PIP4K2A: variants seen among roughly 807,000 people sequenced by gnomAD.
PIP4K2A encodes the protein phosphatidylinositol-5-phosphate 4-kinase type 2 alpha.
A neutral mutation model predicts 42.9 loss-of-function variants in PIP4K2A; 14 were observed. That is an observed-to-expected ratio of 0.33 (90% CI 0.22 to 0.51). The LOEUF is 0.51. Ranked by LOEUF, PIP4K2A falls within the 20% of genes least tolerant of loss-of-function variation. The pLI, the probability that PIP4K2A is intolerant of heterozygous loss-of-function variation, is 0.97. For missense variants in PIP4K2A, 434 were observed against 519.8 expected, an observed-to-expected ratio of 0.83 and a Z score of 1.61; for synonymous variants, 192 against 192.2, an observed-to-expected ratio of 1.00 and a Z score of 0.01.
intron 1 of PIP4K2A, among the ~76,000 whole-genome samples, chr10:22,615,367 G>A (rs1365230271): frequency 6.6e-6 from 1 of 152,146 alleles, no homozygotes; most frequent in Non-Finnish European, 1.5e-5. Context: ...GGAATCACAG[G>A]CATGAACCAT....
intron 1 of PIP4K2A, among the ~76,000 whole-genome samples, chr10:22,662,555 TTAATA>T (rs762338461): frequency 1.8e-4 from 28 of 152,226 alleles, no homozygotes; most frequent in Non-Finnish European, 3.1e-4. Context: ...GCTTTGCCCT[TTAATA>T]TACAGGGTAC....
intron 4 of PIP4K2A, among the ~76,000 whole-genome samples, chr10:22,591,037 G>A (rs1326929584): frequency 1.3e-5 from 2 of 152,190 alleles, no homozygotes; most frequent in African/African-American, 4.8e-5. Flanking sequence ...AGAAGCTTGT[G>A]CTGGAATTTA....
At chr10:22,573,110 G>A (rs754116857) in intron 5 of PIP4K2A, among the ~76,000 whole-genome samples, 2 of 152,208 alleles carry the variant, frequency 1.3e-5, no homozygotes, top group Non-Finnish European at 2.9e-5. Flanking sequence ...TTAAGTAGAT[G>A]TGATATCTCT....
At chr10:22,594,813 T>A (rs1837596556) in intron 3 of PIP4K2A, among the ~76,000 whole-genome samples, 1 of 152,220 alleles carries the variant, frequency 6.6e-6, no homozygotes, top group African/African-American at 2.4e-5. Flanking sequence ...TTCAAAGGCA[T>A]TACTATAATC....
intron 1 of PIP4K2A, among the ~76,000 whole-genome samples, chr10:22,611,480 C>T (rs1012062734): frequency 1.3e-5 from 2 of 149,918 alleles, no homozygotes; most frequent in Admixed American, 6.6e-5. Context: ...TCAAAGCATA[C>T]CTAGATACGC....
intron 1 of PIP4K2A, among the ~76,000 whole-genome samples, chr10:22,660,755 CA>C (rs1839190914): frequency 6.6e-6 from 1 of 151,616 alleles, no homozygotes; most frequent in Non-Finnish European, 1.5e-5. Context: ...AACTCTATGA[CA>C]TCAATAAATA....
At chr10:22,671,106 A>G (rs931866343) in intron 1 of PIP4K2A, among the ~76,000 whole-genome samples, 1 of 152,204 alleles carries the variant, frequency 6.6e-6, no homozygotes, top group African/African-American at 2.4e-5. Flanking sequence ...GAAAGCGAAC[A>G]TATATTATAT....
chr10:22,668,268 A>G (rs1256835177), intron 1 of PIP4K2A, among the ~76,000 whole-genome samples: 1 of 152,106 alleles, frequency 6.6e-6, no homozygotes, highest in Admixed American at 6.5e-5. Context: ...TATTTTTTAA[A>G]CTGGTCTTTA....
chr10:22,535,035 A>AGGAGATAAC lies in PIP4K2A; in HGVS notation c.*2157_*2165dup, dbSNP rs1488885569. On this transcript the variant is annotated 3_prime_UTR_variant, in exon 10 of 10. Transcript: ENST00000376573. ...ATGACTGGAGTGTATTGTTAGCACT[A>AGGAGATAAC]GGAGATAACAGGGCAAACGTCCTCA... 2.6e-5 allele frequency: 4 copies of AGGAGATAAC among 152,250 alleles called. No homozygotes were observed. The highest frequency in any genetic ancestry group is 4.8e-5 in the African/African-American group (2 of 41,464). 9.4% of individuals were successfully genotyped at this position (152,250 alleles called of 1,614,324 possible).
chr10:22,582,972 T>G (rs562026116), intron 4 of PIP4K2A, among the ~76,000 whole-genome samples: 1 of 152,024 alleles, frequency 6.6e-6, no homozygotes, highest in South Asian at 2.1e-4. Context: ...GAAACTTTAC[T>G]GCTTTTCTTA....
chr10:22,680,645 C>T (rs1839641357), intron 1 of PIP4K2A, among the ~76,000 whole-genome samples: 1 of 152,218 alleles, frequency 6.6e-6, no homozygotes, highest in Non-Finnish European at 1.5e-5. Context: ...CTTAAAACCA[C>T]TGCCATTTTA....
chr10:22,705,425 TTAAAAAAAAAAAAAAAAAA>T (rs1833801815), intron 1 of PIP4K2A, among the ~76,000 whole-genome samples: 1 of 56,876 alleles, frequency 1.8e-5, no homozygotes, highest in Non-Finnish European at 3.2e-5. Context: ...AGTACCCCAG[TTAAAAAAAAAAAAAAAAAA>T]AAAAAAAAAA....
intron 7 of PIP4K2A, among the ~76,000 whole-genome samples, chr10:22,546,873 T>C (rs1383926297): frequency 2.0e-5 from 3 of 152,320 alleles, no homozygotes; most frequent in East Asian, 1.9e-4. Context: ...GAAAACAGTA[T>C]ATATTTGTTC....
At chr10:22,638,170 G>A (rs988047117) in intron 1 of PIP4K2A, among the ~76,000 whole-genome samples, 1 of 152,082 alleles carries the variant, frequency 6.6e-6, no homozygotes, top group Non-Finnish European at 1.5e-5. Flanking sequence ...TGATCATCCT[G>A]GTTGAGTGTA....
At chr10:22,595,106 A>C (rs1384467026) in intron 3 of PIP4K2A, among the ~76,000 whole-genome samples, 1 of 152,254 alleles carries the variant, frequency 6.6e-6, no homozygotes, top group African/African-American at 2.4e-5. Flanking sequence ...GAGGAAATCA[A>C]AAGAGTTCAT....
intron 1 of PIP4K2A, among the ~76,000 whole-genome samples, chr10:22,681,123 TTTC>T (rs1839652212): frequency 6.6e-6 from 1 of 152,228 alleles, no homozygotes; most frequent in Non-Finnish European, 1.5e-5. Flanking sequence ...TTTCTTGTCA[TTTC>T]TTCTCAAATG....
Position 22,577,130 on chromosome 10 carries a change from T to C in PIP4K2A, c.493-3673A>G, listed in dbSNP as rs139396027. 2.0e-3 allele frequency among the ~76,000 whole-genome samples: 306 copies of C among 151,212 alleles called. 7 individuals carry two copies. In the East Asian group the frequency reaches 0.044, roughly 22 times the overall value. On this transcript the variant is annotated intron_variant, in intron 4 of 9. Coordinates refer to ENST00000376573, the MANE Select transcript of PIP4K2A (RefSeq NM_005028.5). ...CATAGATTCACTTAAAAAATACGTATTGAGCATCCATCATATGCCTGGTAC... is the reference window on the plus strand; with the variant it reads ...CATAGATTCACTTAAAAAATACGTACTGAGCATCCATCATATGCCTGGTAC...
intron 4 of PIP4K2A, 48 bp downstream of exon 4, chr10:22,591,581 C>A: frequency 7.0e-7 from 1 of 1,427,420 alleles, no homozygotes; most frequent in African/African-American, 1.4e-5. Context: ...GAAATCGCTA[C>A]GCATGTTAAT....
intron 7 of PIP4K2A, among the ~76,000 whole-genome samples, chr10:22,545,723 G>T (rs1836244566): frequency 6.6e-6 from 1 of 152,230 alleles, no homozygotes; most frequent in African/African-American, 2.4e-5. Flanking sequence ...TTTTGTTTAA[G>T]AGATGGGATC....
Sources: allele counts gnomAD v4.1 joint callset (sites outside exome capture counted in the v4.1 genomes callset), GRCh38; gene constraint gnomAD v4.1.1; transcripts MANE v1.5; gene names NCBI Gene and HGNC (gene_info 2026-07-23, HGNC 2026-07-21).